Variants in SEMA3A observed in about 807,000 individuals in gnomAD.
The protein encoded by SEMA3A is semaphorin-3A.
A neutral mutation model predicts 97.9 loss-of-function variants in SEMA3A; 29 were observed. The ratio of observed to expected loss-of-function variants is 0.30; its 90% confidence interval spans 0.22 to 0.40. The LOEUF (loss-of-function observed/expected upper bound fraction) is 0.40. Among genes scored for constraint, SEMA3A ranks in the 10% least tolerant of loss-of-function variants. The pLI is 1.00. For missense variants in SEMA3A, 763 were observed against 951.3 expected, an observed-to-expected ratio of 0.80 and a Z score of 2.60; for synonymous variants, 321 against 323.7, an observed-to-expected ratio of 0.99 and a Z score of 0.09.
At chr7:84,261,811 C>T (rs1799862980) in intron 3 of SEMA3A, among the ~76,000 whole-genome samples, 1 of 152,246 alleles carries the variant, frequency 6.6e-6, no homozygotes, top group Non-Finnish European at 1.5e-5. Flanking sequence ...GGAACAAGCC[C>T]AGTGGGCCCG....
chr7:84,438,529 G>A (rs991735114), intron 1 of SEMA3A, among the ~76,000 whole-genome samples: 2 of 152,064 alleles, frequency 1.3e-5, no homozygotes, highest in Non-Finnish European at 2.9e-5. Context: ...ATTTCTCTAG[G>A]CAGGATGTTG....
At chr7:84,080,562 T>TAAAAAATATAC (rs1298613885) in intron 4 of SEMA3A, among the ~76,000 whole-genome samples, 3 of 7,454 alleles carry the variant, frequency 4.0e-4, no homozygotes, top group African/African-American at 8.5e-4. Context: ...TATAATTCTT[T>TAAAAAATATAC]TTTTTTTTTT....
intron 1 of SEMA3A, chr7:84,371,990 AG>A (rs1802988477): frequency 6.6e-6 from 1 of 152,062 alleles, no homozygotes; most frequent in Non-Finnish European, 1.5e-5. Context: ...TAAACAAAAA[AG>A]CACACTTCTG....
Position 84,038,885 on chromosome 7 carries a change from G to A in SEMA3A, c.667+7439C>T, listed in dbSNP as rs73185467. 3.4e-3 allele frequency among the ~76,000 whole-genome samples: 510 copies of A among 152,004 alleles called. 2 individuals are homozygous for A. The highest frequency in any genetic ancestry group is 0.014 in the Middle Eastern group (4 of 294). Reference sequence around the variant, plus strand: ...TTTCATTGTTTCATCTTCTAATTTTGTAAAACACAATGTGTTTTATGATTT... The same window carrying A: ...TTTCATTGTTTCATCTTCTAATTTTATAAAACACAATGTGTTTTATGATTT... On this transcript the variant is annotated intron_variant, in intron 6 of 16. Transcript: ENST00000265362.
At chr7:84,254,554 A>G (rs1023492115) in intron 3 of SEMA3A, among the ~76,000 whole-genome samples, 1 of 152,216 alleles carries the variant, frequency 6.6e-6, no homozygotes, top group Non-Finnish European at 1.5e-5. Flanking sequence ...GACGCATAAT[A>G]TTCCAATGGG....
chr7:84,294,103 C>T (rs1203337693), intron 3 of SEMA3A, among the ~76,000 whole-genome samples: 2 of 151,950 alleles, frequency 1.3e-5, no homozygotes, highest in African/African-American at 4.8e-5. Context: ...CAGTGATGAA[C>T]ATTTTGTATA....
chr7:84,139,540 G>A (rs1431520485), intron 1 of SEMA3A, among the ~76,000 whole-genome samples: 3 of 152,054 alleles, frequency 2.0e-5, no homozygotes, highest in African/African-American at 4.8e-5. Flanking sequence ...CATACTGACT[G>A]TAAAACCAGA....
intron 4 of SEMA3A, among the ~76,000 whole-genome samples, chr7:84,074,582 A>T (rs11979394): frequency 0.13 from 19,177 of 152,068 alleles, 1,274 homozygotes; most frequent in South Asian, 0.15. Flanking sequence ...AAGGTACTAC[A>T]ATTAATTGAA....
Position 84,375,977 on chromosome 7 carries a change from A to G in SEMA3A, c.-245-4077T>C, listed in dbSNP as rs1050801843. On this transcript the variant is annotated intron_variant, in intron 1 of 3. Coordinates refer to the SEMA3A transcript ENST00000424555. ...CTGTGCCTGACTTATTTCACTTAAC[A>G]TAAGGACCTCCAGTTCCATCCATGT... Among the ~76,000 whole-genome samples, 6 of 152,294 alleles carry G rather than the reference A, an allele frequency of 3.9e-5. No individual in the cohort carries two copies. The East Asian group carries it at 7.7e-4, about 20-fold the overall frequency.
chr7:84,165,085 G>A (rs995374299), intron 1 of SEMA3A, among the ~76,000 whole-genome samples: 1 of 152,146 alleles, frequency 6.6e-6, no homozygotes, highest in East Asian at 1.9e-4. Context: ...GCACGTGCCT[G>A]TAGTCTCAGC....
chr7:84,461,595 A>T (rs1805841741), intron 1 of SEMA3A, among the ~76,000 whole-genome samples: 1 of 152,106 alleles, frequency 6.6e-6, no homozygotes, highest in Non-Finnish European at 1.5e-5. Context: ...CAAACAATGG[A>T]GATGTCTGCC....
chr7:83,974,077 T>C (rs992015900), intron 15 of SEMA3A, among the ~76,000 whole-genome samples: 10 of 152,122 alleles, frequency 6.6e-5, no homozygotes, highest in African/African-American at 2.2e-4. Flanking sequence ...AGGGAACAGA[T>C]TGGAAACAAC....
Position 83,961,532 on chromosome 7 carries a change from C to T in SEMA3A, c.2155G>A (p.Asp719Asn), listed in dbSNP as rs1788470663. The change falls in exon 17 of 17, where the codon GAT (aspartate) becomes AAT (asparagine). Residue 719 changes from aspartate to asparagine, a missense_variant. This residue lies in a region of SEMA3A where 678 missense variants were observed against 881.3 expected (regional missense o/e 0.77). Transcript: ENST00000265362. ...LINHPNLNTM[D>N]EFCEQVWKRD... is the part of the protein sequence containing the mutation. ...TTCCAAACTTGTTCACAGAACTCAT[C>T]CATTGTGTTGAGATTGGGGTGGTTG... 1.9e-6 allele frequency: 3 copies of T among 1,613,982 alleles called. No homozygotes were observed.
chr7:84,241,003 C>T (rs764912406), intron 3 of SEMA3A, among the ~76,000 whole-genome samples: 12 of 152,138 alleles, frequency 7.9e-5, no homozygotes, highest in African/African-American at 1.2e-4. Flanking sequence ...TCCAGTCTAT[C>T]GTTGAAGGGT....
intron 3 of SEMA3A, among the ~76,000 whole-genome samples, chr7:84,209,573 C>T (rs1390916061): frequency 2.0e-5 from 3 of 151,962 alleles, no homozygotes; most frequent in African/African-American, 7.3e-5. Context: ...AATAGTATAT[C>T]CAAAAGTGTA....
intron 1 of SEMA3A, among the ~76,000 whole-genome samples, chr7:84,148,130 G>A (rs1023855197): frequency 1.3e-5 from 2 of 151,968 alleles, no homozygotes; most frequent in African/African-American, 4.8e-5. Flanking sequence ...GGCCAGGCTG[G>A]TCTCGAACCC....
chr7:84,129,845 TAAAA>T (rs1795911276), intron 2 of SEMA3A, among the ~76,000 whole-genome samples: 1 of 152,024 alleles, frequency 6.6e-6, no homozygotes, highest in Non-Finnish European at 1.5e-5. Flanking sequence ...TAATGTGGGC[TAAAA>T]GACTAGTTGA....
chr7:84,426,147 G>C (rs1804821428), intron 1 of SEMA3A, among the ~76,000 whole-genome samples: 1 of 151,818 alleles, frequency 6.6e-6, no homozygotes. Flanking sequence ...TCATGTGATG[G>C]GAGCACTAAA....
intron 6 of SEMA3A, among the ~76,000 whole-genome samples, chr7:84,044,437 T>A (rs748866209): frequency 3.3e-5 from 5 of 152,036 alleles, no homozygotes; most frequent in African/African-American, 7.2e-5. Context: ...TTGTATGCAA[T>A]CATCAATTAT....
Sources: gnomAD v4.1 joint callset for allele counts (sites outside exome capture counted in the v4.1 genomes callset) on GRCh38, gnomAD v4.1.1 for gene constraint, gnomAD v4.1.1 regional missense constraint, MANE v1.5 for transcripts, NCBI Gene and HGNC (gene_info 2026-07-23, HGNC 2026-07-21) for gene names.